Variants in PARD3B observed in about 807,000 individuals in gnomAD.
PARD3B encodes partitioning defective 3 homolog B.
A neutral mutation model predicts 130.2 loss-of-function variants in PARD3B; 103 were observed. The observed-to-expected ratio is 0.79, with a 90% CI of 0.67 to 0.93. PARD3B has a LOEUF of 0.93. Among genes scored for constraint, PARD3B ranks in the 40% least tolerant of loss-of-function variants. PARD3B has a pLI of 0.00. For missense variants in PARD3B, 1,609 were observed against 1,499.2 expected (o/e 1.07, Z -1.21); for synonymous variants, 583 against 553.2 (o/e 1.05, Z -0.76).
Position 205,605,502 on chromosome 2 carries a change from ACAGT to A in PARD3B, c.3261-9950_3261-9947del, listed in dbSNP as rs751824368. Among the ~76,000 whole-genome samples the A allele has an allele frequency of 5.8e-3, 884 of 151,932 alleles. 9 individuals are homozygous for A. Among genetic ancestry groups the A allele is most frequent in the Non-Finnish European group, 5.1e-3 (347 of 67,960 alleles). On this transcript the variant is annotated intron_variant, in intron 22 of 22. Coordinates refer to ENST00000406610, the MANE Select transcript of PARD3B (RefSeq NM_001302769.2). Reference sequence around the variant, plus strand: ...GTTTTTTGTTTGTTTGTTTGTTTTAACAGTCAGGCCCCTCTTCTGTAGGGGTCCT... The same window carrying A: ...GTTTTTTGTTTGTTTGTTTGTTTTAACAGGCCCCTCTTCTGTAGGGGTCCT...
Position 204,908,289 on chromosome 2 carries a change from A to G in PARD3B, c.223-56863A>G, listed in dbSNP as rs536523099. Among the ~76,000 whole-genome samples the G allele has an allele frequency of 1.1e-4, 16 of 152,366 alleles. No homozygotes were observed. In the South Asian group the frequency reaches 3.1e-3, roughly 30 times the overall value. On this transcript the variant is annotated intron_variant, in intron 2 of 22. Transcript: ENST00000406610. ...AATTTTCAGCTAAAAGGAAATCTAA[A>G]TATACTTAAATATAATTATCACATA...
intron 1 of PARD3B, among the ~76,000 whole-genome samples, chr2:204,648,666 ATATATCATATAAATAATATATAT>A (rs1489690870): frequency 9.0e-5 from 10 of 110,858 alleles, no homozygotes; most frequent in African/African-American, 3.6e-4. Context: ...TATTTATAAT[ATATATCATATAAATAATATATAT>A]TTATAATATA....
At chr2:204,973,543 T>A (rs1489013250) in intron 3 of PARD3B, among the ~76,000 whole-genome samples, 3 of 149,794 alleles carry the variant, frequency 2.0e-5, no homozygotes, top group Middle Eastern at 3.2e-3. Context: ...TGTGATTTTT[T>A]AAAATTTTCT....
Position 205,193,233 on chromosome 2 carries a change from C to T in PARD3B, c.2053C>T (p.Pro685Ser). The change falls in exon 15 of 23, where the codon CCA becomes TCA. Residue 685 changes from proline to serine, a missense_variant. Transcript: ENST00000406610. Reference sequence around the variant, plus strand: ...TGGGGTGGATTCAGCAGTATATTTTCCAGATCAGCACATCAACTTCAGATC... The same window carrying T: ...TGGGGTGGATTCAGCAGTATATTTTTCAGATCAGCACATCAACTTCAGATC... ...SSGVDSAVYF[P>S]DQHINFRSVT... 6.2e-7 allele frequency: 1 copy of T among 1,612,512 alleles called. No individual in the cohort carries two copies. Among genetic ancestry groups the T allele is most frequent in the Non-Finnish European group, 8.5e-7 (1 of 1,178,576 alleles).
chr2:205,009,977 G>A (rs1253334036), intron 3 of PARD3B, among the ~76,000 whole-genome samples: 3 of 152,092 alleles, frequency 2.0e-5, no homozygotes, highest in African/African-American at 7.2e-5. Context: ...AACCCATGAG[G>A]TAGATATTAT....
intron 4 of PARD3B, among the ~76,000 whole-genome samples, chr2:205,061,644 G>T (rs185995240): frequency 6.6e-6 from 1 of 152,048 alleles, no homozygotes; most frequent in Non-Finnish European, 1.5e-5. Context: ...AGAGTAATCT[G>T]CATTAAAAGC....
intron 1 of PARD3B, among the ~76,000 whole-genome samples, chr2:204,685,760 C>T (rs1351661886): frequency 6.6e-6 from 1 of 152,110 alleles, no homozygotes; most frequent in Non-Finnish European, 1.5e-5. Context: ...CTATTACCAT[C>T]ACAGATTCTG....
At chr2:205,602,450 G>A (rs1410078812) in intron 22 of PARD3B, among the ~76,000 whole-genome samples, 1 of 152,122 alleles carries the variant, frequency 6.6e-6, no homozygotes, top group Non-Finnish European at 1.5e-5. Context: ...TAGAAAAAAT[G>A]GTATCAGCTC....
At chr2:205,056,900 CAT>C (rs1454475617) in intron 4 of PARD3B, among the ~76,000 whole-genome samples, 9 of 142,042 alleles carry the variant, frequency 6.3e-5, no homozygotes, top group East Asian at 2.2e-4. Flanking sequence ...CACACACACA[CAT>C]ACACACACAC....
At chr2:204,777,465 C>T (rs965258378) in intron 2 of PARD3B, among the ~76,000 whole-genome samples, 3 of 152,096 alleles carry the variant, frequency 2.0e-5, no homozygotes, top group Non-Finnish European at 2.9e-5. Flanking sequence ...ATGTGTTATT[C>T]TCTACTCTTA....
chr2:205,133,693 CTTTTT>C (rs1211127676), intron 10 of PARD3B, among the ~76,000 whole-genome samples: 3 of 134,886 alleles, frequency 2.2e-5, no homozygotes, highest in African/African-American at 5.7e-5. Context: ...TGAGTTGTGC[CTTTTT>C]GGCTATGTGC....
Position 205,409,401 on chromosome 2 carries a change from C to T in PARD3B, c.2741+8278C>T, listed in dbSNP as rs778752969. 6.6e-5 allele frequency among the ~76,000 whole-genome samples: 10 copies of T among 152,080 alleles called. No individual in the cohort carries two copies. In the East Asian group the frequency reaches 1.5e-3, roughly 23 times the overall value. ...AGAAATTAGGGATTTAGACACAGCC[C>T]GGGGTGAAGGTAGCTTTAATATCTT... is the stretch of plus-strand genomic sequence containing the variant. On this transcript the variant is annotated intron_variant, in intron 19 of 22. Coordinates refer to ENST00000406610, the MANE Select transcript of PARD3B (RefSeq NM_001302769.2).
At chr2:204,876,789 G>A (rs1013650234) in intron 2 of PARD3B, among the ~76,000 whole-genome samples, 3 of 152,026 alleles carry the variant, frequency 2.0e-5, no homozygotes, top group African/African-American at 4.8e-5. Flanking sequence ...ATTGTCTGAC[G>A]TCTTGACTGA....
intron 3 of PARD3B, among the ~76,000 whole-genome samples, chr2:205,023,784 C>G (rs1036820165): frequency 6.6e-6 from 1 of 152,066 alleles, no homozygotes; most frequent in Admixed American, 6.6e-5. Context: ...CTCAATCATT[C>G]AGGTGCTGAG....
rs988693787 is a variant in PARD3B at position 205,216,361 on chromosome 2, C to T, written c.2140+23041C>T. The stretch of plus-strand genomic sequence containing the variant: ...AGAACCTATCTCAGTCATCTAGTGA[C>T]GCATGGCTTATAAATCAAAGAAGAA... On this transcript the variant is annotated intron_variant, in intron 15 of 22. Transcript: ENST00000406610. Among the ~76,000 whole-genome samples the T allele has an allele frequency of 5.3e-5, 8 of 152,148 alleles. No individual in the cohort carries two copies. The East Asian group carries it at 9.7e-4, about 18-fold the overall frequency.
intron 15 of PARD3B, among the ~76,000 whole-genome samples, chr2:205,236,833 A>G (rs2039083492): frequency 6.6e-6 from 1 of 152,166 alleles, no homozygotes; most frequent in Non-Finnish European, 1.5e-5. Flanking sequence ...ACATCAGTGG[A>G]CACAGAAAAA....
At chr2:204,618,801 A>G (rs901904228) in intron 1 of PARD3B, among the ~76,000 whole-genome samples, 1 of 152,116 alleles carries the variant, frequency 6.6e-6, no homozygotes, top group Non-Finnish European at 1.5e-5. Context: ...ATCTAGGAAT[A>G]TCTTGTTTGA....
chr2:205,441,356 C>A (rs2106162578), intron 20 of PARD3B, among the ~76,000 whole-genome samples: 1 of 152,254 alleles, frequency 6.6e-6, no homozygotes, highest in African/African-American at 2.4e-5. Context: ...TCCAACCCCA[C>A]CTCCTGCCAA....
intron 2 of PARD3B, among the ~76,000 whole-genome samples, chr2:204,757,744 A>C (rs1394908590): frequency 6.6e-6 from 1 of 152,126 alleles, no homozygotes; most frequent in Non-Finnish European, 1.5e-5. Context: ...TTTAAACAAA[A>C]GATTGGTGAC....
Sources: gnomAD v4.1 joint callset for allele counts (sites outside exome capture counted in the v4.1 genomes callset) on GRCh38, gnomAD v4.1.1 for gene constraint, MANE v1.5 for transcripts, NCBI Gene and HGNC (gene_info 2026-07-23, HGNC 2026-07-21) for gene names.